MTRF1: variants seen among roughly 807,000 people sequenced by gnomAD.
The protein encoded by MTRF1 is mitochondrial translation release factor 1.
MTRF1 carries 51 observed loss-of-function variants against 62.9 expected under a neutral mutation model. That is an observed-to-expected ratio of 0.81 (90% confidence interval 0.65 to 1.02). The LOEUF (loss-of-function observed/expected upper bound fraction) is 1.02. Among genes scored for constraint, MTRF1 ranks in the 50% least tolerant of loss-of-function variants. The pLI is 0.00. For synonymous variants in MTRF1, 158 were observed against 181.9 expected (o/e 0.87, Z 1.06); for missense variants, 446 against 530.0 (o/e 0.84, Z 1.56).
intron 5 of MTRF1, among the ~76,000 whole-genome samples, chr13:41,250,331 C>T (rs2038909167): frequency 6.6e-6 from 1 of 152,096 alleles, no homozygotes; most frequent in South Asian, 2.1e-4. Flanking sequence ...CTAAACATGG[C>T]CATTCTCCAA....
chr13:41,252,532 A>G, intron 5 of MTRF1, 113 bp downstream of exon 5: 2 of 706,920 alleles, frequency 2.8e-6, no homozygotes, highest in Non-Finnish European at 4.7e-6. Context: ...CACAGTGTTT[A>G]GTAGATATAC....
chr13:41,277,581 TGAAG>T, the MTRF1 span, among the ~76,000 whole-genome samples: 1 of 152,152 alleles, frequency 6.6e-6, no homozygotes, highest in Non-Finnish European at 1.5e-5. Context: ...GGAAGATGTG[TGAAG>T]CTTTTATGTC....
At chr13:41,311,285 C>A in the MTRF1 span, 1 of 548,698 alleles carries the variant, frequency 1.8e-6, no homozygotes, top group South Asian at 2.3e-5. Context: ...CGGGAACCGC[C>A]GCCGCCGCCG....
At chr13:41,304,008 C>T in the MTRF1 span, among the ~76,000 whole-genome samples, 1 of 152,154 alleles carries the variant, frequency 6.6e-6, no homozygotes, top group Non-Finnish European at 1.5e-5. Context: ...AGTAGCTATT[C>T]CTTCACCACT....
At chr13:41,298,229 T>C in the MTRF1 span, among the ~76,000 whole-genome samples, 1 of 152,116 alleles carries the variant, frequency 6.6e-6, no homozygotes, top group Admixed American at 6.5e-5. Flanking sequence ...CTTCCTTAGG[T>C]AGGGTATGGG....
chr13:41,261,893 T>C (rs1387199707), intron 1 of MTRF1: 13 of 444,034 alleles, frequency 2.9e-5, no homozygotes, highest in Middle Eastern at 1.1e-3. Flanking sequence ...TCTACAGTTA[T>C]ATTAAATGGT....
At chr13:41,230,963 T>G (rs2035447302) in intron 7 of MTRF1, among the ~76,000 whole-genome samples, 1 of 152,104 alleles carries the variant, frequency 6.6e-6, no homozygotes, top group Non-Finnish European at 1.5e-5. Flanking sequence ...GACCCTCAGG[T>G]GATCTGCCTG....
At chr13:41,280,149 C>T in the MTRF1 span, among the ~76,000 whole-genome samples, 1 of 152,098 alleles carries the variant, frequency 6.6e-6, no homozygotes, top group East Asian at 1.9e-4. Context: ...GTTGGCCAGG[C>T]TGGTCTTGAA....
Position 41,238,275 on chromosome 13 carries a change from T to C in MTRF1, c.870+1986A>G, listed in dbSNP as rs184477419. Among the ~76,000 whole-genome samples the C allele has an allele frequency of 1.9e-3, 295 of 152,270 alleles. 3 individuals carry two copies. Among genetic ancestry groups the C allele is most frequent in the South Asian group, 5.2e-3 (25 of 4,828 alleles). ...AGAAAGCATAGATGCACTCAAATGATGGTATCATTTCAAAAGGACAAAAGA... is the reference window on the plus strand; with the variant it reads ...AGAAAGCATAGATGCACTCAAATGACGGTATCATTTCAAAAGGACAAAAGA... On this transcript the variant is annotated intron_variant, in intron 6 of 9. Transcript: ENST00000379480.
chr13:41,288,001 TG>T, the MTRF1 span: 1 of 368,374 alleles, frequency 2.7e-6, no homozygotes. Flanking sequence ...ATGGGAGTGT[TG>T]GGAAAATGGT....
chr13:41,245,459 G>A (rs755633477), intron 5 of MTRF1, among the ~76,000 whole-genome samples: 13 of 151,962 alleles, frequency 8.6e-5, no homozygotes, highest in Non-Finnish European at 1.9e-4. Context: ...ACCCAGGCTG[G>A]TCTCAAACTC....
chr13:41,235,856 G>GAA (rs57117161), intron 6 of MTRF1: 3,850 of 136,172 alleles, frequency 0.028, 179 homozygotes, highest in African/African-American at 0.095. Flanking sequence ...CACACACACA[G>GAA]AAACACACAC....
At chr13:41,289,236 T>A in the MTRF1 span, among the ~76,000 whole-genome samples, 1 of 150,170 alleles carries the variant, frequency 6.7e-6, no homozygotes, top group African/African-American at 2.4e-5. Context: ...ATTTAAATTT[T>A]TTTTTTTTTT....
the MTRF1 span, among the ~76,000 whole-genome samples, chr13:41,286,088 CAAAA>C: frequency 6.1e-4 from 67 of 110,058 alleles, no homozygotes; most frequent in African/African-American, 1.8e-3. Context: ...ACAACAACAA[CAAAA>C]AAAAAAAAAA....
rs1369752010 is a variant in MTRF1, at chr13:41,226,728, A to G, written c.989-160T>C. On this transcript the variant is annotated intron_variant, in intron 7 of 9. Transcript: ENST00000379480. ...CAGAAACTAGCTGGGTTATGATTAT[A>G]GCTGTAGTTGGCTCTTTAGATTCTG... Among the ~76,000 whole-genome samples, 4 of 152,234 alleles carry G rather than the reference A, an allele frequency of 2.6e-5. No homozygotes were observed. The East Asian group carries it at 7.7e-4, about 29-fold the overall frequency.
intron 5 of MTRF1, among the ~76,000 whole-genome samples, chr13:41,242,388 T>C (rs935435960): frequency 7.9e-5 from 12 of 152,096 alleles, no homozygotes; most frequent in Admixed American, 4.6e-4. Flanking sequence ...CAGGATTATC[T>C]TGAACATTTT....
intron 7 of MTRF1, 58 bp from the exon 8 acceptor site, chr13:41,226,626 C>T: frequency 1.9e-6 from 3 of 1,579,904 alleles, no homozygotes; most frequent in Non-Finnish European, 2.6e-6. Context: ...TAAGATAGAA[C>T]CAAGGAACAG....
At chr13:41,278,939 TTCC>T in the MTRF1 span, among the ~76,000 whole-genome samples, 2 of 152,236 alleles carry the variant, frequency 1.3e-5, no homozygotes, top group Non-Finnish European at 2.9e-5. Flanking sequence ...CCTCCTTCCC[TTCC>T]TCCTTTTCGG....
upstream of MTRF1, among the ~76,000 whole-genome samples, chr13:41,264,141 C>CT (rs2040754588): frequency 6.6e-6 from 1 of 152,140 alleles, no homozygotes; most frequent in Non-Finnish European, 1.5e-5. Context: ...GAAGATTCTG[C>CT]GTGTAATTTC....
Sources: gnomAD v4.1 joint callset for allele counts (sites outside exome capture counted in the v4.1 genomes callset) on GRCh38, gnomAD v4.1.1 for gene constraint, MANE v1.5 for transcripts, NCBI Gene and HGNC (gene_info 2026-07-23, HGNC 2026-07-21) for gene names.